The following PRKCH variants were observed in gnomAD, a reference collection of about 807,000 sequenced individuals.
PRKCH encodes protein kinase C eta, also known as protein kinase C eta type.
PRKCH carries 28 observed loss-of-function variants against 82.5 expected under a neutral mutation model. The observed-to-expected ratio is 0.34, with a 90% confidence interval of 0.25 to 0.47. PRKCH has a LOEUF of 0.47. PRKCH is among the 20% of genes least tolerant of loss of function. The pLI is 1.00. For missense variants in PRKCH, 705 were observed against 881.8 expected (o/e 0.80, Z 2.54); for synonymous variants, 322 against 327.4 (o/e 0.98, Z 0.18).
At chr14:61,334,359 G>C (rs1280721620) in intron 1 of PRKCH, among the ~76,000 whole-genome samples, 1 of 152,120 alleles carries the variant, frequency 6.6e-6, no homozygotes, top group East Asian at 1.9e-4. Context: ...TGCTGGGTAG[G>C]TACCAAGTAG....
intron 12 of PRKCH, among the ~76,000 whole-genome samples, chr14:61,546,773 A>G (rs1566938435): frequency 6.6e-6 from 1 of 152,262 alleles, no homozygotes; most frequent in Non-Finnish European, 1.5e-5. Flanking sequence ...AATAAAAACA[A>G]AAACAAAACT....
intron 1 of PRKCH, among the ~76,000 whole-genome samples, chr14:61,236,247 C>T (rs113546760): frequency 0.07 from 10,573 of 151,354 alleles, 403 homozygotes; most frequent in Middle Eastern, 0.097. Context: ...GTGTCAGAGG[C>T]GTGTGAAGCA....
chr14:61,287,204 TAAAAAAAAAAAA>T (rs35045657), intron 1 of PRKCH, among the ~76,000 whole-genome samples: 9 of 57,932 alleles, frequency 1.6e-4, no homozygotes, highest in South Asian at 1.9e-3. Context: ...GACTCCGTCT[TAAAAAAAAAAAA>T]AAAAAAAAAA....
intron 2 of PRKCH, among the ~76,000 whole-genome samples, chr14:61,414,165 C>T (rs1386061545): frequency 6.6e-6 from 1 of 152,156 alleles, no homozygotes; most frequent in Non-Finnish European, 1.5e-5. Context: ...TTCACTCTGC[C>T]TGTTGCTCTC....
chr14:61,191,802 A>C (rs1358654682), intron 1 of PRKCH, among the ~76,000 whole-genome samples: 1 of 152,028 alleles, frequency 6.6e-6, no homozygotes, highest in Non-Finnish European at 1.5e-5. Flanking sequence ...ACTATTGCAG[A>C]TTTTGTATGC....
intron 13 of PRKCH, among the ~76,000 whole-genome samples, chr14:61,548,446 G>A (rs141935739): frequency 4.6e-4 from 70 of 152,352 alleles, no homozygotes; most frequent in African/African-American, 1.6e-3. Flanking sequence ...CTCTGCAGCT[G>A]AGGCTGGTGG....
chr14:61,263,397 T>G (rs75861007), intron 1 of PRKCH, among the ~76,000 whole-genome samples: 2,529 of 152,340 alleles, frequency 0.017, 84 homozygotes, highest in African/African-American at 0.057. Context: ...TATGTTATTG[T>G]GTGTTTGTGT....
intron 1 of PRKCH, among the ~76,000 whole-genome samples, chr14:61,262,213 T>C (rs1194106938): frequency 1.3e-5 from 1 of 74,936 alleles, no homozygotes; most frequent in Non-Finnish European, 2.6e-5. Flanking sequence ...AGAGTGAGAC[T>C]CTGTATAAAA....
chr14:61,443,837 A>G (rs974558619), intron 3 of PRKCH, among the ~76,000 whole-genome samples: 1 of 152,236 alleles, frequency 6.6e-6, no homozygotes, highest in African/African-American at 2.4e-5. Flanking sequence ...ATACAACTGA[A>G]GCTTAAGTCT....
At chr14:61,213,508 A>C (rs1451971274) in intron 1 of PRKCH, among the ~76,000 whole-genome samples, 1 of 152,226 alleles carries the variant, frequency 6.6e-6, no homozygotes, top group Non-Finnish European at 1.5e-5. Context: ...GCAAAAGGCA[A>C]CTGCCTAGTT....
chr14:61,203,355 G>T (rs530841223), intron 1 of PRKCH, among the ~76,000 whole-genome samples: 1 of 152,132 alleles, frequency 6.6e-6, no homozygotes, highest in Non-Finnish European at 1.5e-5. Flanking sequence ...AGTGGTCTGC[G>T]AAAGAGGTGC....
intron 2 of PRKCH, among the ~76,000 whole-genome samples, chr14:61,422,223 A>G (rs1260542956): frequency 6.6e-6 from 1 of 152,108 alleles, no homozygotes; most frequent in Non-Finnish European, 1.5e-5. Flanking sequence ...AGCTGGGGCT[A>G]TAGGCATGTA....
At chr14:61,504,211 G>A (rs1887039832) in intron 10 of PRKCH, among the ~76,000 whole-genome samples, 1 of 150,984 alleles carries the variant, frequency 6.6e-6, no homozygotes, top group African/African-American at 2.4e-5. Context: ...TTTTTCTTGA[G>A]AGAGTCTCGC....
intron 1 of PRKCH, among the ~76,000 whole-genome samples, chr14:61,196,913 G>T (rs375458521): frequency 1.3e-5 from 2 of 152,100 alleles, no homozygotes; most frequent in African/African-American, 4.8e-5. Flanking sequence ...TTTCACACCT[G>T]CAGGCTTATT....
Position 61,547,794 on chromosome 14 carries a change from G to A in PRKCH, c.1813G>A (p.Glu605Lys), listed in dbSNP as rs773638904. ...MRLGSLTQGG[E>K]HAILRHPFFK... Reference sequence around the variant, plus strand: ...CTTGGGCAGCCTGACTCAGGGAGGCGAGCACGCCATCTTGAGACATCCTTT... The same window carrying A: ...CTTGGGCAGCCTGACTCAGGGAGGCAAGCACGCCATCTTGAGACATCCTTT... Residue 605 changes from glutamate (E) to lysine (K), a missense_variant, in exon 13 of 14, where the codon GAG (glutamate) becomes AAG (lysine). Physicochemically the swap from Glu to Lys is moderately conservative, Grantham distance 56. This residue lies in a region of PRKCH where 115 missense variants were observed against 193.8 expected (regional missense o/e 0.59). Coordinates refer to ENST00000332981, the MANE Select transcript of PRKCH (RefSeq NM_006255.5). The A allele has an allele frequency of 6.2e-6, 10 of 1,614,044 alleles. No individual in the cohort carries two copies. Among genetic ancestry groups the A allele is most frequent in the African/African-American group, 1.3e-5 (1 of 74,930 alleles).
intron 12 of PRKCH, among the ~76,000 whole-genome samples, chr14:61,539,438 GA>G (rs2043154034): frequency 6.6e-6 from 1 of 152,158 alleles, no homozygotes; most frequent in African/African-American, 2.4e-5. Flanking sequence ...TTCATCGAGA[GA>G]AAATAAAGTA....
At chr14:61,210,661 G>A (rs537352505) in intron 1 of PRKCH, among the ~76,000 whole-genome samples, 1 of 152,238 alleles carries the variant, frequency 6.6e-6, no homozygotes, top group African/African-American at 2.4e-5. Context: ...GGGGGATGAA[G>A]TGACTTTCCA....
rs139459817 is a variant in PRKCH, at chr14:61,268,390, G to A, written c.-19+80722G>A. Among the ~76,000 whole-genome samples, 1,449 of 152,284 alleles carry A rather than the reference G, an allele frequency of 9.5e-3. 29 individuals are homozygous for A. The highest frequency in any genetic ancestry group is 0.033 in the African/African-American group (1,364 of 41,550). ...TACAAAAATTTATATTTCTGGCCGG[G>A]TGCGATGGCTCACACCTGTAATCCC... On this transcript the variant is annotated intron_variant, in intron 1 of 3. Coordinates refer to the PRKCH transcript ENST00000555185.
chr14:61,509,002 CTG>C (rs1230484558), intron 10 of PRKCH, among the ~76,000 whole-genome samples: 2 of 152,034 alleles, frequency 1.3e-5, no homozygotes, highest in Non-Finnish European at 2.9e-5. Context: ...TCCAAGGTGA[CTG>C]TTATTCTGAT....
Sources: allele counts gnomAD v4.1 joint callset (sites outside exome capture counted in the v4.1 genomes callset), GRCh38; gene constraint gnomAD v4.1.1; regional missense constraint gnomAD v4.1.1; transcripts MANE v1.5; gene names NCBI Gene and HGNC (gene_info 2026-07-23, HGNC 2026-07-21).